The following TNFAIP8 variants were observed in gnomAD, a reference collection of about 807,000 sequenced individuals.
TNFAIP8 encodes tumor necrosis factor alpha-induced protein 8.
Under a neutral mutation model 13.3 loss-of-function variants are expected in TNFAIP8, and 7 were observed. The ratio of observed to expected loss-of-function variants is 0.52; its 90% CI spans 0.30 to 0.99. The LOEUF (loss-of-function observed/expected upper bound fraction) is 0.99. TNFAIP8 is among the 50% of genes least tolerant of loss of function. The probability of loss-of-function intolerance (pLI) is 0.07; values close to 1 mark genes in which losing one functional copy is unlikely to be tolerated. For synonymous variants in TNFAIP8, 94 were observed against 87.6 expected (o/e 1.07, Z -0.41); for missense variants, 258 against 236.9 (o/e 1.09, Z -0.58).
chr5:119,358,036 A>G (rs1052933914), intron 1 of TNFAIP8, among the ~76,000 whole-genome samples: 1 of 150,984 alleles, frequency 6.6e-6, no homozygotes, highest in African/African-American at 2.4e-5. Context: ...GAAGCGAGCT[A>G]TGTTGTGTAA....
intron 1 of TNFAIP8, among the ~76,000 whole-genome samples, chr5:119,360,522 C>T (rs955947078): frequency 3.3e-5 from 5 of 152,330 alleles, no homozygotes; most frequent in Middle Eastern, 3.4e-3. Flanking sequence ...AAGTGCCCTT[C>T]TCCCACCAAA....
chr5:119,376,297 T>G (rs1286633716), intron 1 of TNFAIP8, among the ~76,000 whole-genome samples: 2 of 152,092 alleles, frequency 1.3e-5, no homozygotes, highest in African/African-American at 4.8e-5. Flanking sequence ...GTATTTTTAG[T>G]AGAGATGGGC....
chr5:119,394,498 G>A lies in TNFAIP8; in HGVS notation c.*1117G>A, dbSNP rs1000391845. The A allele has an allele frequency of 1.3e-5, 2 of 151,896 alleles. No individual in the cohort carries two copies. The highest frequency in any genetic ancestry group is 1.3e-4 in the Admixed American group (2 of 15,240). The allele number at this position is 151,896 out of a possible 1,614,324, so 9.4% of individuals were successfully genotyped here. On this transcript the variant is annotated 3_prime_UTR_variant, in exon 2 of 2. Transcript: ENST00000504771. ...TTTCTGTGTATAAATAATAAAGTAG[G>A]CATTTGTTTATTTTGTAAAAAAGAA...
intron 1 of TNFAIP8, among the ~76,000 whole-genome samples, chr5:119,277,958 T>G (rs1283408578): frequency 6.6e-6 from 1 of 152,154 alleles, no homozygotes; most frequent in Non-Finnish European, 1.5e-5. Flanking sequence ...CCTTATGACT[T>G]AATCACTTCT....
intron 1 of TNFAIP8, among the ~76,000 whole-genome samples, chr5:119,344,058 G>A (rs1437659984): frequency 2.6e-5 from 4 of 152,232 alleles, no homozygotes; most frequent in Non-Finnish European, 5.9e-5. Context: ...TTCTTTGAGA[G>A]TGAGAAGTTG....
At chr5:119,388,275 A>C (rs1752753928) in intron 1 of TNFAIP8, among the ~76,000 whole-genome samples, 1 of 152,242 alleles carries the variant, frequency 6.6e-6, no homozygotes, top group African/African-American at 2.4e-5. Flanking sequence ...ACTTAGAGGG[A>C]AGAAAAACCA....
chr5:119,330,666 TGTAA>T, intron 1 of TNFAIP8, among the ~76,000 whole-genome samples: 1 of 152,232 alleles, frequency 6.6e-6, no homozygotes, highest in East Asian at 1.9e-4. Flanking sequence ...AGTGAAATGA[TGTAA>T]GTGATAGTCT....
At chr5:119,388,261 G>A (rs949292312) in intron 1 of TNFAIP8, among the ~76,000 whole-genome samples, 1 of 152,182 alleles carries the variant, frequency 6.6e-6, no homozygotes, top group Non-Finnish European at 1.5e-5. Context: ...ATACTCTGGA[G>A]CGCACTTAGA....
chr5:119,271,072 C>T (rs1301128592), intron 1 of TNFAIP8, among the ~76,000 whole-genome samples: 3 of 152,154 alleles, frequency 2.0e-5, no homozygotes, highest in Admixed American at 6.5e-5. Context: ...GTTGAGCTGT[C>T]GTGAGGACAG....
intron 1 of TNFAIP8, among the ~76,000 whole-genome samples, chr5:119,274,007 A>C (rs1277291834): frequency 6.6e-6 from 1 of 152,068 alleles, no homozygotes; most frequent in Non-Finnish European, 1.5e-5. Flanking sequence ...ACTCTTATTT[A>C]TCATTTGTTT....
rs1320723529 is a variant in TNFAIP8 at position 119,398,214 on chromosome 5, CTG to C, written c.*4835_*4836del. ...GCCTTCCCTGACATCAGCTGCATAACTGTATTTCTGCCTCGTGGAAATAAAGT... is the reference window on the plus strand; with the variant it reads ...GCCTTCCCTGACATCAGCTGCATAACTATTTCTGCCTCGTGGAAATAAAGT... On this transcript the variant is annotated 3_prime_UTR_variant, in exon 2 of 2. Coordinates refer to ENST00000504771, the MANE Select transcript of TNFAIP8 (RefSeq NM_014350.4). 1 of 152,198 alleles carries C rather than the reference CTG, an allele frequency of 6.6e-6. No individual in the cohort carries two copies. The highest frequency in any genetic ancestry group is 1.9e-4 in the East Asian group (1 of 5,198). 9.4% of individuals were successfully genotyped at this position (152,198 alleles called of 1,614,324 possible).
chr5:119,322,076 C>G (rs761910477), intron 1 of TNFAIP8, among the ~76,000 whole-genome samples: 2 of 152,120 alleles, frequency 1.3e-5, no homozygotes, highest in Non-Finnish European at 2.9e-5. Flanking sequence ...TTCCTTGGCT[C>G]TCTCTCTAAT....
At chr5:119,383,927 C>G (rs575647436) in intron 1 of TNFAIP8, among the ~76,000 whole-genome samples, 2 of 152,270 alleles carry the variant, frequency 1.3e-5, no homozygotes, top group South Asian at 4.1e-4. Flanking sequence ...GCAGGGAGAC[C>G]TGGTCCCTTT....
At chr5:119,282,331 G>A (rs1240497615) in intron 1 of TNFAIP8, among the ~76,000 whole-genome samples, 2 of 152,190 alleles carry the variant, frequency 1.3e-5, no homozygotes, top group African/African-American at 4.8e-5. Flanking sequence ...TGCTGTGGAA[G>A]GATGTGGGCT....
Position 119,396,210 on chromosome 5 carries a change from G to C in TNFAIP8, c.*2829G>C, listed in dbSNP as rs1753068521. The stretch of plus-strand genomic sequence containing the variant: ...CTAGGAACATCTTTGGCTCAGAGAA[G>C]CGTGGGCAGTATGCTGCTGAAATGG... On this transcript the variant is annotated 3_prime_UTR_variant, in exon 2 of 2. Transcript: ENST00000504771. The C allele has an allele frequency of 6.6e-6, 1 of 152,250 alleles. No homozygotes were observed. Among genetic ancestry groups the C allele is most frequent in the Admixed American group, 6.5e-5 (1 of 15,284 alleles). The allele number at this position is 152,250 out of a possible 1,614,324, so 9.4% of individuals were successfully genotyped here. A position where few individuals can be genotyped will look rare whatever the true frequency, so the allele number is the denominator to read the frequency against.
chr5:119,324,206 T>C (rs1052760678), intron 1 of TNFAIP8, among the ~76,000 whole-genome samples: 3 of 128,340 alleles, frequency 2.3e-5, no homozygotes, highest in Non-Finnish European at 4.6e-5. Flanking sequence ...ACCCAGGAGG[T>C]GGAGGCTGCA....
At chr5:119,311,516 C>T (rs557622993) in intron 1 of TNFAIP8, among the ~76,000 whole-genome samples, 8 of 151,490 alleles carry the variant, frequency 5.3e-5, no homozygotes, top group Admixed American at 2.6e-4. Flanking sequence ...ATGGTGAAAC[C>T]CCGTCTCTAC....
chr5:119,334,693 G>GA (rs1391710696), intron 1 of TNFAIP8, among the ~76,000 whole-genome samples: 1 of 150,042 alleles, frequency 6.7e-6, no homozygotes, highest in Non-Finnish European at 1.5e-5. Context: ...AGAATTGCTT[G>GA]AACCTGGGAG....
intron 1 of TNFAIP8, among the ~76,000 whole-genome samples, chr5:119,269,561 A>G (rs180946031): frequency 1.4e-3 from 213 of 152,338 alleles, no homozygotes; most frequent in Admixed American, 0.012. Context: ...ACTGATAGGC[A>G]CGTTCAAGAC....
Sources: gnomAD v4.1 joint callset for allele counts (sites outside exome capture counted in the v4.1 genomes callset) on GRCh38, gnomAD v4.1.1 for gene constraint, MANE v1.5 for transcripts, NCBI Gene and HGNC (gene_info 2026-07-23, HGNC 2026-07-21) for gene names.